CRADD: variants seen among roughly 807,000 people sequenced by gnomAD.
CRADD encodes death domain-containing protein CRADD.
A neutral mutation model predicts 15.5 loss-of-function variants in CRADD; 9 were observed. The ratio of observed to expected loss-of-function variants is 0.58; its 90% CI spans 0.35 to 1.01. The LOEUF (loss-of-function observed/expected upper bound fraction) is 1.01. Among genes scored for constraint, CRADD ranks in the 50% least tolerant of loss-of-function variants. The probability of loss-of-function intolerance (pLI) is 0.02; values close to 1 mark genes in which losing one functional copy is unlikely to be tolerated. For synonymous variants in CRADD, 118 were observed against 107.6 expected (o/e 1.10, Z -0.60); for missense variants, 227 against 250.3 (o/e 0.91, Z 0.63).
At chr12:93,796,892 G>A (rs562484845) in intron 2 of CRADD, among the ~76,000 whole-genome samples, 8 of 152,114 alleles carry the variant, frequency 5.3e-5, no homozygotes, top group Non-Finnish European at 8.8e-5. Context: ...ACGTGCTCAC[G>A]TGCATCTTAG....
intron 2 of CRADD, among the ~76,000 whole-genome samples, chr12:93,711,055 C>CCCCCCCTTTTTTTTTTTT: frequency 2.3e-5 from 1 of 43,508 alleles, no homozygotes; most frequent in African/African-American, 8.5e-5. Context: ...CCACCCCCGC[C>CCCCCCCTTTTTTTTTTTT]TTTTTTTTTT....
chr12:93,698,382 T>G (rs1376419781), intron 2 of CRADD, among the ~76,000 whole-genome samples: 5 of 152,226 alleles, frequency 3.3e-5, no homozygotes, highest in Non-Finnish European at 7.3e-5. Context: ...GTATATATAC[T>G]TTTTTCTTCA....
intron 2 of CRADD, among the ~76,000 whole-genome samples, chr12:93,702,775 T>C (rs1037367547): frequency 1.3e-5 from 2 of 151,936 alleles, no homozygotes; most frequent in African/African-American, 2.4e-5. Context: ...CACAATTCTT[T>C]TCAGGCAAGT....
chr12:93,743,290 C>T (rs187972506), intron 2 of CRADD, among the ~76,000 whole-genome samples: 1 of 152,224 alleles, frequency 6.6e-6, no homozygotes, highest in African/African-American at 2.4e-5. Context: ...TCGAAGCAGT[C>T]TATACCATTG....
At chr12:93,752,118 C>T (rs970490440) in intron 2 of CRADD, among the ~76,000 whole-genome samples, 4 of 152,186 alleles carry the variant, frequency 2.6e-5, no homozygotes, top group South Asian at 2.1e-4. Flanking sequence ...TTGCTAAGGG[C>T]GCTATGACCA....
chr12:93,780,653 A>G (rs1037615286), intron 2 of CRADD, among the ~76,000 whole-genome samples: 1 of 152,192 alleles, frequency 6.6e-6, no homozygotes, highest in African/African-American at 2.4e-5. Context: ...AGTAGATGTT[A>G]TTGAAGAGCC....
intron 2 of CRADD, among the ~76,000 whole-genome samples, chr12:93,698,571 A>G (rs1955767857): frequency 6.6e-6 from 1 of 152,156 alleles, no homozygotes; most frequent in Non-Finnish European, 1.5e-5. Context: ...TTGTCTTTCT[A>G]TGAGTATACT....
chr12:93,715,662 T>G (rs553415062), intron 2 of CRADD, among the ~76,000 whole-genome samples: 1 of 152,328 alleles, frequency 6.6e-6, no homozygotes, highest in East Asian at 1.9e-4. Context: ...TTAGCATTAA[T>G]GGCAAATATT....
chr12:93,778,398 A>G (rs1957163127), intron 2 of CRADD, among the ~76,000 whole-genome samples: 1 of 152,214 alleles, frequency 6.6e-6, no homozygotes, highest in African/African-American at 2.4e-5. Context: ...TTGAATGACA[A>G]CTGGTGGATA....
chr12:93,697,268 A>AT (rs1443276657), intron 2 of CRADD, among the ~76,000 whole-genome samples: 6 of 152,304 alleles, frequency 3.9e-5, no homozygotes, highest in East Asian at 1.9e-4. Flanking sequence ...TCATGAATAG[A>AT]TTAGTGCCTG....
intron 2 of CRADD, among the ~76,000 whole-genome samples, 191 bp downstream of exon 2, chr12:93,679,263 TCCC>T (rs1441621157): frequency 6.6e-6 from 1 of 152,172 alleles, no homozygotes; most frequent in Admixed American, 6.5e-5. Flanking sequence ...TGCTTCAGCC[TCCC>T]GAGTTGCTGG....
chr12:93,886,690 T>G (rs1420948223), intron 2 of CRADD, among the ~76,000 whole-genome samples: 1 of 152,192 alleles, frequency 6.6e-6, no homozygotes, highest in East Asian at 1.9e-4. Context: ...TGGATCTTAC[T>G]TTGAAGGAAC....
chr12:93,877,404 C>T (rs2137070536), intron 2 of CRADD, among the ~76,000 whole-genome samples: 1 of 152,344 alleles, frequency 6.6e-6, no homozygotes, highest in African/African-American at 2.4e-5. Context: ...GGCCTGTGAC[C>T]TTCCCTTCAG....
rs1957059806 is a variant in CRADD at position 93,769,407 on chromosome 12, T to C, written c.299-80563T>C. 2.0e-5 allele frequency among the ~76,000 whole-genome samples: 3 copies of C among 152,156 alleles called. No homozygotes were observed. The South Asian group carries it at 6.2e-4, about 32-fold the overall frequency. ...CCCACCATTCTATTGTTGATGGCCA[T>C]TGGGGTTGTTTCCAGTTGCGGGCTA... On this transcript the variant is annotated intron_variant, in intron 2 of 2. Transcript: ENST00000332896.
At chr12:93,764,603 G>C (rs559029648) in intron 2 of CRADD, among the ~76,000 whole-genome samples, 4 of 152,104 alleles carry the variant, frequency 2.6e-5, no homozygotes, top group East Asian at 3.9e-4. Flanking sequence ...TTTCATGGGT[G>C]GGGGAGGGTT....
intron 2 of CRADD, among the ~76,000 whole-genome samples, chr12:93,818,890 A>T (rs1957738756): frequency 6.6e-6 from 1 of 152,246 alleles, no homozygotes; most frequent in East Asian, 1.9e-4. Flanking sequence ...AGCATAGGTC[A>T]GTCCTGTCAT....
At chr12:93,714,639 T>G (rs1015271404) in intron 2 of CRADD, 5 of 152,190 alleles carry the variant, frequency 3.3e-5, no homozygotes, top group African/African-American at 1.2e-4. Flanking sequence ...TCAGAGCGAG[T>G]GTCTCTGCTA....
chr12:93,879,278 A>G (rs1418707049), intron 2 of CRADD, among the ~76,000 whole-genome samples: 2 of 152,100 alleles, frequency 1.3e-5, no homozygotes, highest in East Asian at 1.9e-4. Flanking sequence ...TGGATCTAAT[A>G]AGGATTTTAT....
chr12:93,725,279 A>G (rs1345117426), intron 2 of CRADD, among the ~76,000 whole-genome samples: 1 of 152,314 alleles, frequency 6.6e-6, no homozygotes, highest in South Asian at 2.1e-4. Context: ...TATATGTCTT[A>G]AGAATAAAGC....
Sources: allele counts gnomAD v4.1 joint callset (sites outside exome capture counted in the v4.1 genomes callset), GRCh38; gene constraint gnomAD v4.1.1; transcripts MANE v1.5; gene names NCBI Gene and HGNC (gene_info 2026-07-23, HGNC 2026-07-21).